GTF3C1: variants seen among roughly 807,000 people sequenced by gnomAD.
GTF3C1 encodes the protein general transcription factor IIIC subunit 1.
In GTF3C1, 57 loss-of-function variants were observed where a neutral mutation model predicts 226.7. The ratio of observed to expected loss-of-function variants is 0.25; its 90% confidence interval spans 0.20 to 0.31. The LOEUF (loss-of-function observed/expected upper bound fraction) is 0.31. GTF3C1 is among the 10% of genes least tolerant of loss of function. GTF3C1 has a pLI of 1.00. For missense variants in GTF3C1, 2,217 were observed against 2,776.1 expected (o/e 0.80, Z 4.53); for synonymous variants, 1,090 against 1,084.8 (o/e 1.00, Z -0.09).
At position 27,495,118 on chromosome 16, in the gene GTF3C1, G is replaced by T. The variant is rs113824581; in HGVS notation, c.2632+93C>A. On this transcript the variant is annotated intron_variant, in intron 15 of 36. Transcript: ENST00000356183. ...CCATTTGGATCAGAGGCTGCAGCCA[G>T]TTTATATAAGGAAAAGGAACTATCA... 1,732 of 1,010,882 alleles carry T rather than the reference G, an allele frequency of 1.7e-3. 23 individuals are homozygous for T. The African/African-American group carries it at 0.025, about 14-fold the overall frequency. 62.6% of individuals were successfully genotyped at this position (1,010,882 alleles called of 1,614,324 possible). A position where few individuals can be genotyped will look rare whatever the true frequency, so the allele number is the denominator to read the frequency against.
At chr16:27,466,148 A>C (rs1021584249) in intron 32 of GTF3C1, 4 of 153,558 alleles carry the variant, frequency 2.6e-5, no homozygotes, top group Admixed American at 2.6e-4. Context: ...TCAACAGCGC[A>C]CCTCACTTCA....
At chr16:27,495,598 G>T in intron 14 of GTF3C1, 106 bp from the exon 15 acceptor site, 2 of 998,476 alleles carry the variant, frequency 2.0e-6, no homozygotes, top group Non-Finnish European at 3.0e-6. Context: ...GGGCCAGAAA[G>T]ATGGCAAATA....
chr16:27,520,458 C>T (rs1272426363), intron 6 of GTF3C1, among the ~76,000 whole-genome samples: 2 of 151,942 alleles, frequency 1.3e-5, no homozygotes, highest in African/African-American at 4.8e-5. Context: ...CTACTTCCCC[C>T]CACTCCAAGA....
intron 27 of GTF3C1, among the ~76,000 whole-genome samples, chr16:27,478,928 A>G (rs1026826528): frequency 6.6e-6 from 1 of 151,974 alleles, no homozygotes; most frequent in Non-Finnish European, 1.5e-5. Context: ...TAGAAGAAGG[A>G]AAAAGGTGGT....
At chr16:27,543,502 C>T (rs2089119441) in intron 2 of GTF3C1, among the ~76,000 whole-genome samples, 1 of 152,198 alleles carries the variant, frequency 6.6e-6, no homozygotes, top group South Asian at 2.1e-4. Context: ...GCAATCCCCC[C>T]ATCGCAGTCT....
intron 19 of GTF3C1, among the ~76,000 whole-genome samples, chr16:27,490,433 C>T (rs948406969): frequency 7.2e-5 from 11 of 152,248 alleles, no homozygotes; most frequent in South Asian, 4.2e-4. Flanking sequence ...ATGGCATGGC[C>T]GGTGGGGCCC....
chr16:27,547,033 C>A (rs369330544), intron 1 of GTF3C1, among the ~76,000 whole-genome samples: 26 of 152,102 alleles, frequency 1.7e-4, no homozygotes, highest in East Asian at 5.8e-4. Flanking sequence ...TGATTCACCA[C>A]ACCCAGCCCA....
chr16:27,504,041 C>T (rs1016421984), intron 10 of GTF3C1, among the ~76,000 whole-genome samples: 3 of 152,202 alleles, frequency 2.0e-5, no homozygotes, highest in Non-Finnish European at 4.4e-5. Flanking sequence ...CGTTCACCTT[C>T]GTGCTTCAGG....
chr16:27,496,072 T>G (rs2088311851), intron 14 of GTF3C1, among the ~76,000 whole-genome samples: 1 of 152,118 alleles, frequency 6.6e-6, no homozygotes, highest in African/African-American at 2.4e-5. Flanking sequence ...CTTGGTGCCA[T>G]CCTCATGAGA....
intron 6 of GTF3C1, 88 bp downstream of exon 6, chr16:27,528,510 A>G: frequency 1.0e-6 from 1 of 1,001,472 alleles, no homozygotes; most frequent in Non-Finnish European, 1.5e-6. Context: ...ACAAGGCAGA[A>G]TGTGATCAGA....
intron 5 of GTF3C1, among the ~76,000 whole-genome samples, chr16:27,530,489 G>A (rs1157662759): frequency 1.3e-5 from 2 of 152,180 alleles, no homozygotes. Context: ...GAGGCAGTGA[G>A]TCTTCGTACC....
At chr16:27,537,360 TAACAA>T (rs2089016396) in intron 4 of GTF3C1, among the ~76,000 whole-genome samples, 3 of 152,226 alleles carry the variant, frequency 2.0e-5, no homozygotes, top group Non-Finnish European at 2.9e-5. Context: ...AAAAAACAGA[TAACAA>T]ATGCCATTTT....
chr16:27,467,772 A>C (rs182042524), intron 32 of GTF3C1, among the ~76,000 whole-genome samples: 1 of 152,292 alleles, frequency 6.6e-6, no homozygotes, highest in Non-Finnish European at 1.5e-5. Context: ...CGGGAGGCTG[A>C]GCTAGGAGAA....
chr16:27,482,823 G>C (rs1165481975), intron 26 of GTF3C1, among the ~76,000 whole-genome samples: 2 of 152,230 alleles, frequency 1.3e-5, no homozygotes, highest in Non-Finnish European at 2.9e-5. Context: ...GCCCTTCAAA[G>C]TGGCCTGTCA....
At chr16:27,480,531 C>T (rs2088028100) in intron 27 of GTF3C1, among the ~76,000 whole-genome samples, 1 of 152,108 alleles carries the variant, frequency 6.6e-6, no homozygotes, top group African/African-American at 2.4e-5. Context: ...TGATGGATGC[C>T]ATCATTTTAC....
At position 27,469,092 on chromosome 16, in the gene GTF3C1, A is replaced by T. The variant is rs1461226960; in HGVS notation, c.5074+199T>A. On this transcript the variant is annotated intron_variant, in intron 32 of 36. Transcript: ENST00000356183. This position sits in a 1 kb window ranked among gnomAD's most constrained non-coding sequence, Gnocchi z 4.5. ...GAGGCGGTGCGGGGAGCTTTCCCAC[A>T]GAGGTGTGGGCACAGCACAGGCACC... Among the ~76,000 whole-genome samples the T allele has an allele frequency of 6.6e-6, 1 of 152,226 alleles. No individual in the cohort carries two copies. Among genetic ancestry groups the T allele is most frequent in the Non-Finnish European group, 1.5e-5 (1 of 68,032 alleles).
intron 20 of GTF3C1, 80 bp from the exon 21 acceptor site, chr16:27,489,258 CATTT>C (rs2088194257): frequency 1.3e-6 from 2 of 1,487,322 alleles, no homozygotes; most frequent in African/African-American, 2.8e-5. Flanking sequence ...GGTTGAGGGA[CATTT>C]ATTTATAACC....
rs538176087 is a variant in GTF3C1, at chr16:27,480,996, G to A, written c.4196+83C>T. 106 of 1,143,684 alleles carry A rather than the reference G, an allele frequency of 9.3e-5. No individual in the cohort carries two copies. The South Asian group carries it at 1.2e-3, about 13-fold the overall frequency. The allele number at this position is 1,143,684 out of a possible 1,614,324, so 70.8% of individuals were successfully genotyped here. The stretch of plus-strand genomic sequence containing the variant: ...GCCAGGCAGGTGCTGTGCGCTTCCC[G>A]GACCTGCTGATAAGGGAGACAGGGC... On this transcript the variant is annotated intron_variant, in intron 27 of 36. Coordinates refer to ENST00000356183, the MANE Select transcript of GTF3C1 (RefSeq NM_001520.4).
In GTF3C1 at chr16:27,463,560, A is replaced by G. The variant is rs1567381487; in HGVS notation, c.5905T>C (p.Ser1969Pro). 1.9e-6 allele frequency: 3 copies of G among 1,601,036 alleles called. No individual in the cohort carries two copies. Among genetic ancestry groups the G allele is most frequent in the Non-Finnish European group, 2.6e-6 (3 of 1,168,256 alleles). Residue 1969 changes from serine (S) to proline (P), a missense_variant, in exon 35 of 37, where the codon TCC becomes CCC. This residue lies in a region of GTF3C1 where 153 missense variants were observed against 199.8 expected (regional missense o/e 0.77). Transcript: ENST00000356183. This position sits in a 1 kb window ranked among gnomAD's most constrained non-coding sequence, Gnocchi z 4.9. ...FTESFGAANI[S>P]QAARERDCES... ...ACCCACCTTTCCCGTGCTGCCTGGG[A>G]GATGTTGGCAGCTCCGAAACTCTCT...
Sources: gnomAD v4.1 joint callset for allele counts (sites outside exome capture counted in the v4.1 genomes callset) on GRCh38, gnomAD v4.1.1 for gene constraint, gnomAD v4.1.1 regional missense constraint, Gnocchi (gnomAD v3.1) non-coding constraint, MANE v1.5 for transcripts, NCBI Gene and HGNC (gene_info 2026-07-23, HGNC 2026-07-21) for gene names.